MINDY4: variants seen among roughly 807,000 people sequenced by gnomAD.
The protein encoded by MINDY4 is probable ubiquitin carboxyl-terminal hydrolase MINDY-4.
Under a neutral mutation model 87.0 loss-of-function variants are expected in MINDY4, and 68 were observed. The observed-to-expected ratio is 0.78, with a 90% confidence interval of 0.64 to 0.96. MINDY4 has a LOEUF of 0.96. Among genes scored for constraint, MINDY4 ranks in the 40% least tolerant of loss-of-function variants. The pLI, the probability that MINDY4 is intolerant of heterozygous loss-of-function variation, is 0.00. For missense variants in MINDY4, 919 were observed against 928.2 expected (o/e 0.99, Z 0.13); for synonymous variants, 379 against 363.2 (o/e 1.04, Z -0.50).
chr7:30,773,238 C>G (rs1786699178), intron 1 of MINDY4, among the ~76,000 whole-genome samples: 1 of 152,244 alleles, frequency 6.6e-6, no homozygotes, highest in Non-Finnish European at 1.5e-5. Context: ...GAGCTGCCAC[C>G]TTGGTGCCAG....
chr7:30,857,574 G>A (rs1381702252), intron 12 of MINDY4, among the ~76,000 whole-genome samples: 2 of 78,268 alleles, frequency 2.6e-5, no homozygotes, highest in Admixed American at 1.1e-4. Context: ...CCGGGTTCAC[G>A]CCATTCTCCT....
At position 30,857,633 on chromosome 7, in the gene MINDY4, C is replaced by T. The variant is rs985823375; in HGVS notation, c.1678-1624C>T. On this transcript the variant is annotated intron_variant, in intron 12 of 17. Transcript: ENST00000265299. ...GACTACAGGCGCCCGCTACCACGCCCGGCTAATTTTTTGTATTTTTAGTAG... is the reference window on the plus strand; with the variant it reads ...GACTACAGGCGCCCGCTACCACGCCTGGCTAATTTTTTGTATTTTTAGTAG... 6 of 113,036 alleles carry T rather than the reference C, an allele frequency of 5.3e-5. 1 individual carries two copies. Among genetic ancestry groups the T allele is most frequent in the Non-Finnish European group, 8.1e-5 (5 of 61,976 alleles). The allele number at this position is 113,036 out of a possible 1,614,324, so 7.0% of individuals were successfully genotyped here. A position where few individuals can be genotyped will look rare whatever the true frequency, so the allele number is the denominator to read the frequency against.
intron 2 of MINDY4, chr7:30,781,721 T>C (rs1435666442): frequency 2.2e-6 from 1 of 457,498 alleles, no homozygotes; most frequent in African/African-American, 2.0e-5. Flanking sequence ...CATTTTATTC[T>C]AGTTGTTTAT....
intron 1 of MINDY4, among the ~76,000 whole-genome samples, chr7:30,777,095 G>A (rs1786847769): frequency 6.7e-6 from 1 of 149,870 alleles, no homozygotes; most frequent in Admixed American, 6.7e-5. Flanking sequence ...CTGTGGCCTT[G>A]AAGTCATGAG....
chr7:30,787,769 G>A (rs1031657302), intron 4 of MINDY4, among the ~76,000 whole-genome samples: 2 of 152,188 alleles, frequency 1.3e-5, no homozygotes, highest in African/African-American at 2.4e-5. Context: ...ACTGTGGAAG[G>A]AGCCCTGCCT....
intron 5 of MINDY4, among the ~76,000 whole-genome samples, chr7:30,813,507 A>G (rs1009732253): frequency 7.2e-5 from 11 of 152,124 alleles, no homozygotes; most frequent in African/African-American, 2.7e-4. Context: ...ATTCACAGCC[A>G]CCTGTGCTGA....
chr7:30,774,714 CT>C (rs965974654), intron 1 of MINDY4, among the ~76,000 whole-genome samples: 1 of 151,690 alleles, frequency 6.6e-6, no homozygotes, highest in Non-Finnish European at 1.5e-5. Flanking sequence ...TGATTGTGTC[CT>C]TCTGCTTGTC....
intron 5 of MINDY4, among the ~76,000 whole-genome samples, chr7:30,795,596 T>C (rs1787462832): frequency 6.6e-6 from 1 of 152,178 alleles, no homozygotes. Context: ...GGGGTGCATG[T>C]GTTTCCTGTT....
At chr7:30,806,487 A>T (rs1030338102) in intron 5 of MINDY4, among the ~76,000 whole-genome samples, 4 of 63,352 alleles carry the variant, frequency 6.3e-5, no homozygotes, top group Non-Finnish European at 1.1e-4. Context: ...CACCCATTTA[A>T]AAAAAAAAAC....
At chr7:30,826,120 C>T (rs1788493408) in intron 5 of MINDY4, among the ~76,000 whole-genome samples, 1 of 152,182 alleles carries the variant, frequency 6.6e-6, no homozygotes, top group Non-Finnish European at 1.5e-5. Flanking sequence ...TTACATTGGT[C>T]CCATTTAGGT....
chr7:30,828,781 A>G (rs1333680702), intron 6 of MINDY4, 44 bp downstream of exon 6: 1 of 1,598,790 alleles, frequency 6.3e-7, no homozygotes. Context: ...TCAGGGCCCA[A>G]GGGGTCCTCG....
intron 5 of MINDY4, among the ~76,000 whole-genome samples, chr7:30,828,318 T>TTGTGTGTGTGTG (rs60396175): frequency 1.1e-4 from 16 of 147,994 alleles, no homozygotes; most frequent in African/African-American, 4.0e-4. Context: ...AGAACTCGAT[T>TTGTGTGTGTGTG]TGTGTGTGTG....
chr7:30,861,392 G>T (rs1770964985), intron 13 of MINDY4, among the ~76,000 whole-genome samples: 1 of 152,252 alleles, frequency 6.6e-6, no homozygotes, highest in African/African-American at 2.4e-5. Flanking sequence ...GGTGGGTGCT[G>T]CTGTGAGTGC....
In MINDY4 at chr7:30,875,584, A is replaced by G; in HGVS notation, c.1899A>G (p.Thr633=). 2 of 1,614,190 alleles carry G rather than the reference A, an allele frequency of 1.2e-6. No homozygotes were observed. Among genetic ancestry groups the G allele is most frequent in the Admixed American group, 3.3e-5 (2 of 60,026 alleles). ...VELDSGDGNI[T]LLRGIAARSD... is the part of the protein sequence containing the mutation. Reference sequence around the variant, plus strand: ...TGGATTCTGGGGATGGGAACATCACACTTCTCAGAGGCATTGCTGCACGCA... The same window carrying G: ...TGGATTCTGGGGATGGGAACATCACGCTTCTCAGAGGCATTGCTGCACGCA... Residue 633 remains threonine (T), a synonymous_variant, in exon 15 of 18, where the codon ACA becomes ACG. Coordinates refer to ENST00000265299, the MANE Select transcript of MINDY4 (RefSeq NM_032222.3).
chr7:30,856,748 G>A (rs895439521), intron 12 of MINDY4, among the ~76,000 whole-genome samples: 15 of 151,568 alleles, frequency 9.9e-5, no homozygotes, highest in African/African-American at 3.6e-4. Flanking sequence ...AGATTAGGTA[G>A]GCTTTCTATG....
intron 5 of MINDY4, among the ~76,000 whole-genome samples, chr7:30,795,841 T>C (rs760948743): frequency 5.3e-5 from 8 of 152,206 alleles, no homozygotes; most frequent in Non-Finnish European, 1.0e-4. Flanking sequence ...GTTGGCTGAA[T>C]CCTGCTCAGG....
intron 8 of MINDY4, 49 bp downstream of exon 8, chr7:30,839,365 C>A: frequency 8.3e-7 from 1 of 1,197,704 alleles, no homozygotes; most frequent in Non-Finnish European, 1.2e-6. Context: ...GGCCATCATG[C>A]ATAGGGGTGG....
Position 30,778,509 on chromosome 7 carries a change from T to C in MINDY4, c.141T>C (p.Leu47=). ...TCAGCATAAACAACAGAAATGATCTTCGAAAGGTTTTGCATCTTGAATTTC... is the reference window on the plus strand; with the variant it reads ...TCAGCATAAACAACAGAAATGATCTCCGAAAGGTTTTGCATCTTGAATTTC... ...SDLSINNRND[L]RKVLHLEFLY... is the part of the protein sequence containing the mutation. Residue 47 remains leucine, a synonymous_variant, in exon 2 of 18, where the codon CTT becomes CTC. Coordinates refer to ENST00000265299, the MANE Select transcript of MINDY4 (RefSeq NM_032222.3). The C allele has an allele frequency of 6.2e-7, 1 of 1,614,216 alleles. No homozygotes were observed. Among genetic ancestry groups the C allele is most frequent in the Non-Finnish European group, 8.5e-7 (1 of 1,180,024 alleles).
intron 5 of MINDY4, among the ~76,000 whole-genome samples, chr7:30,801,967 G>T (rs1292258509): frequency 6.6e-6 from 1 of 152,208 alleles, no homozygotes; most frequent in Non-Finnish European, 1.5e-5. Flanking sequence ...TCCATCCTAG[G>T]TTCTGAGTCC....
Sources: allele counts gnomAD v4.1 joint callset (sites outside exome capture counted in the v4.1 genomes callset), GRCh38; gene constraint gnomAD v4.1.1; transcripts MANE v1.5; gene names NCBI Gene and HGNC (gene_info 2026-07-23, HGNC 2026-07-21).